TEX9: variants seen among roughly 807,000 people sequenced by gnomAD.
The protein encoded by TEX9 is testis-expressed protein 9.
A neutral mutation model predicts 59.6 loss-of-function variants in TEX9; 74 were observed. The observed-to-expected ratio is 1.24, with a 90% CI of 1.03 to 1.51. The LOEUF (loss-of-function observed/expected upper bound fraction) is 1.51. Ranked by LOEUF, TEX9 falls within the 40% of genes most tolerant of loss-of-function variation. The pLI is 0.00. For missense variants in TEX9, 522 were observed against 447.8 expected, an observed-to-expected ratio of 1.17 and a Z score of -1.49; for synonymous variants, 186 against 152.2, an observed-to-expected ratio of 1.22 and a Z score of -1.64.
intron 10 of TEX9, among the ~76,000 whole-genome samples, chr15:56,416,496 T>C (rs2049693382): frequency 6.6e-6 from 1 of 151,976 alleles, no homozygotes; most frequent in Non-Finnish European, 1.5e-5. Context: ...ATTCTGTTTA[T>C]GTGATAAATT....
chr15:56,384,093 G>T (rs2047858606), intron 4 of TEX9, 62 bp downstream of exon 4: 2 of 1,305,896 alleles, frequency 1.5e-6, no homozygotes, highest in Admixed American at 4.1e-5. Flanking sequence ...CGTTATGTAA[G>T]ATCTTTTTTG....
chr15:56,246,170 C>T (rs2043851670), intron 1 of TEX9, among the ~76,000 whole-genome samples: 1 of 152,218 alleles, frequency 6.6e-6, no homozygotes, highest in Admixed American at 6.5e-5. Context: ...ATAAAAGAGC[C>T]AGGTCACCCC....
chr15:56,399,258 A>G (rs1352000207), intron 9 of TEX9, among the ~76,000 whole-genome samples: 1 of 152,220 alleles, frequency 6.6e-6, no homozygotes, highest in Non-Finnish European at 1.5e-5. Flanking sequence ...TTCTGCCCAA[A>G]TACTGCGCTT....
At chr15:56,417,867 T>G (rs1411960156) in intron 10 of TEX9, among the ~76,000 whole-genome samples, 1 of 151,988 alleles carries the variant, frequency 6.6e-6, no homozygotes, top group Non-Finnish European at 1.5e-5. Context: ...TGGGTGCTTC[T>G]GTGTTGTGTG....
intron 2 of TEX9, among the ~76,000 whole-genome samples, chr15:56,370,522 A>T (rs1249468606): frequency 6.6e-6 from 1 of 152,154 alleles, no homozygotes; most frequent in Non-Finnish European, 1.5e-5. Flanking sequence ...TCTGAATGTA[A>T]TTCTAGATGG....
At chr15:56,426,638 A>ACAC (rs1567141726) in intron 10 of TEX9, among the ~76,000 whole-genome samples, 2 of 78,204 alleles carry the variant, frequency 2.6e-5, no homozygotes, top group African/African-American at 4.1e-5. Flanking sequence ...CACACACACA[A>ACAC]ACACACACAC....
chr15:56,460,009 A>AAAAATATATAT, the TEX9 span, among the ~76,000 whole-genome samples: 15 of 26,384 alleles, frequency 5.7e-4, 4 homozygotes, highest in Non-Finnish European at 9.8e-4. Context: ...AAAAAAAAAA[A>AAAAATATATAT]ATACATATAT....
chr15:56,366,198 C>A lies in TEX9; in HGVS notation c.119+528C>A, dbSNP rs559288969. On this transcript the variant is annotated intron_variant, in intron 2 of 12. Transcript: ENST00000352903. ...GCTTTCATTCTTGGCCCATTCTACTCCTCATCCCCAAGTTTTCACACAGCA... is the reference window on the plus strand; with the variant it reads ...GCTTTCATTCTTGGCCCATTCTACTACTCATCCCCAAGTTTTCACACAGCA... 2.0e-4 allele frequency among the ~76,000 whole-genome samples: 30 copies of A among 152,244 alleles called. No homozygotes were observed. The South Asian group carries it at 6.2e-3, about 32-fold the overall frequency.
At chr15:56,339,987 A>G (rs2046341596) in intron 1 of TEX9, among the ~76,000 whole-genome samples, 1 of 152,182 alleles carries the variant, frequency 6.6e-6, no homozygotes, top group African/African-American at 2.4e-5. Flanking sequence ...CAGCTCAAAT[A>G]GATTAAGACC....
chr15:56,278,175 T>G (rs1282905967), intron 1 of TEX9, among the ~76,000 whole-genome samples: 1 of 152,216 alleles, frequency 6.6e-6, no homozygotes, highest in African/African-American at 2.4e-5. Context: ...ATGATAAACA[T>G]TAATATCTAT....
At chr15:56,380,296 C>T (rs1263617145) in intron 3 of TEX9, among the ~76,000 whole-genome samples, 2 of 152,092 alleles carry the variant, frequency 1.3e-5, no homozygotes, top group Non-Finnish European at 2.9e-5. Context: ...AAAAAGAAAA[C>T]TAATACAAAC....
intron 1 of TEX9, among the ~76,000 whole-genome samples, chr15:56,329,431 G>A (rs1449668403): frequency 1.8e-4 from 28 of 151,988 alleles, no homozygotes; most frequent in Middle Eastern, 3.2e-3. Flanking sequence ...GACACCAAAC[G>A]AACTAAATGA....
At chr15:56,330,043 A>AG (rs1434189356) in intron 1 of TEX9, among the ~76,000 whole-genome samples, 3 of 152,166 alleles carry the variant, frequency 2.0e-5, no homozygotes, top group Non-Finnish European at 1.5e-5. Context: ...AAAAAAACAA[A>AG]CAAACATAGA....
intron 1 of TEX9, among the ~76,000 whole-genome samples, chr15:56,270,626 C>T (rs191792533): frequency 6.6e-6 from 1 of 152,292 alleles, no homozygotes; most frequent in Admixed American, 6.5e-5. Context: ...GGCATTTAGC[C>T]TATTTACATT....
At chr15:56,403,873 A>C (rs1279202635) in intron 9 of TEX9, among the ~76,000 whole-genome samples, 1 of 152,220 alleles carries the variant, frequency 6.6e-6, no homozygotes, top group East Asian at 1.9e-4. Flanking sequence ...CAAAAACAAG[A>C]AATGGGGAAA....
intron 1 of TEX9, among the ~76,000 whole-genome samples, chr15:56,296,958 A>G (rs1356343295): frequency 4.6e-5 from 7 of 152,214 alleles, no homozygotes; most frequent in African/African-American, 7.2e-5. Context: ...GAAGAGTTCC[A>G]TAGAAGATTA....
chr15:56,277,410 G>C (rs544969019), intron 1 of TEX9, among the ~76,000 whole-genome samples: 150 of 152,238 alleles, frequency 9.9e-4, no homozygotes, highest in South Asian at 2.7e-3. Flanking sequence ...AGTTTTCCCA[G>C]CACCATTTAT....
intron 12 of TEX9, among the ~76,000 whole-genome samples, chr15:56,432,243 A>ATGTT (rs1464103986): frequency 6.6e-6 from 1 of 152,220 alleles, no homozygotes; most frequent in African/African-American, 2.4e-5. Context: ...GCCACATTCA[A>ATGTT]TGTTTATCCT....
chr15:56,310,688 G>T (rs2045591055), intron 1 of TEX9, among the ~76,000 whole-genome samples: 1 of 152,162 alleles, frequency 6.6e-6, no homozygotes, highest in Admixed American at 6.5e-5. Flanking sequence ...GTTAAAGATA[G>T]GTGGCTAGAT....
Sources: allele counts gnomAD v4.1 joint callset (sites outside exome capture counted in the v4.1 genomes callset), GRCh38; gene constraint gnomAD v4.1.1; transcripts MANE v1.5; gene names NCBI Gene and HGNC (gene_info 2026-07-23, HGNC 2026-07-21).